Variants in SLC15A4 observed in about 807,000 individuals in gnomAD.
The protein encoded by SLC15A4 is solute carrier family 15 member 4, also known as hPHT1.
SLC15A4 carries 26 observed loss-of-function variants against 46.1 expected under a neutral mutation model. The ratio of observed to expected loss-of-function variants is 0.56; its 90% CI spans 0.41 to 0.78. The LOEUF (loss-of-function observed/expected upper bound fraction) is 0.78, where lower values mean the gene tolerates loss of function less well. SLC15A4 is among the 30% of genes least tolerant of loss of function. The probability of loss-of-function intolerance (pLI) is 0.00; values close to 1 mark genes in which losing one functional copy is unlikely to be tolerated. For missense variants in SLC15A4, 751 were observed against 755.7 expected (o/e 0.99, Z 0.07); for synonymous variants, 370 against 333.4 (o/e 1.11, Z -1.20).
At chr12:128,810,219 G>T in intron 2 of SLC15A4, 108 bp from the exon 3 acceptor site, 2 of 1,022,996 alleles carry the variant, frequency 2.0e-6, no homozygotes, top group Non-Finnish European at 2.9e-6. Context: ...TATTGAATCT[G>T]CTTCAACTCA....
At chr12:128,811,512 A>C (rs557855557) in intron 2 of SLC15A4, among the ~76,000 whole-genome samples, 2 of 152,336 alleles carry the variant, frequency 1.3e-5, no homozygotes, top group East Asian at 3.9e-4. Context: ...TGGGGGCTAA[A>C]GGGGAGGGCT....
In SLC15A4 at chr12:128,815,000, G is replaced by A. The variant is rs1955731180; in HGVS notation, c.617C>T (p.Ala206Val). The A allele has an allele frequency of 1.2e-6, 2 of 1,614,064 alleles. No individual in the cohort carries two copies. Among genetic ancestry groups the A allele is most frequent in the Non-Finnish European group, 1.7e-6 (2 of 1,179,990 alleles). The change falls in exon 2 of 8, where the codon GCG (alanine) becomes GTG (valine). Residue 206 changes from alanine (A) to valine (V), a missense_variant. Transcript: ENST00000266771. The part of the protein sequence containing the change: ...NWFYWSINLG[A>V]ILSLGGIAYI... ...GGCAATGCCACCTAACGACAGGATC[G>A]CTCCCAGGTTAATGCTCCAATAAAA...
chr12:128,815,394 A>T (rs1294984098), intron 1 of SLC15A4: 1 of 277,140 alleles, frequency 3.6e-6, no homozygotes, highest in Admixed American at 4.8e-5. Flanking sequence ...TGCTCTTTAA[A>T]AACAGAGTCC....
intron 5 of SLC15A4, among the ~76,000 whole-genome samples, chr12:128,807,814 T>C (rs542339832): frequency 5.1e-4 from 77 of 152,334 alleles, no homozygotes; most frequent in Middle Eastern, 3.4e-3. Context: ...CAAAAGAAAA[T>C]GCAATAGTCT....
At position 128,809,925 on chromosome 12, in the gene SLC15A4, CT is replaced by C. The variant is rs765826299; in HGVS notation, c.1011+17del. On this transcript the variant is annotated intron_variant, in intron 3 of 7. Coordinates refer to ENST00000266771, the MANE Select transcript of SLC15A4 (RefSeq NM_145648.4). The stretch of plus-strand genomic sequence containing the variant: ...CATAGGAAGATAAAGGAAATTAAAC[CT>C]GTTTGTCACCACTCACTTGGAAATA... 1.2e-5 allele frequency: 19 copies of C among 1,605,346 alleles called. No individual in the cohort carries two copies. The highest frequency in any genetic ancestry group is 1.6e-5 in the Non-Finnish European group (19 of 1,176,580).
Position 128,823,551 on chromosome 12 carries a change from C to G in SLC15A4, c.393G>C (p.Ala131=). The change falls in exon 1 of 8, where the codon GCG becomes GCC. Residue 131 remains alanine (A), a synonymous_variant. Transcript: ENST00000266771. ...PLLAAPATRA[A]LCGSARLLNC... is the part of the protein sequence containing the mutation. ...TGAGCAGGCGCGCGGAACCGCAGAG[C>G]GCGGCTCGCGTGGCGGGCGCGGCCA... is the stretch of plus-strand genomic sequence containing the variant. 1 of 1,446,860 alleles carries G rather than the reference C, an allele frequency of 6.9e-7. No homozygotes were observed. Among genetic ancestry groups the G allele is most frequent in the African/African-American group, 1.5e-5 (1 of 67,226 alleles). The allele number at this position is 1,446,860 out of a possible 1,614,324, so 89.6% of individuals were successfully genotyped here.
chr12:128,800,226 A>AAT (rs1955500512), intron 6 of SLC15A4, among the ~76,000 whole-genome samples: 2 of 152,194 alleles, frequency 1.3e-5, no homozygotes, highest in Non-Finnish European at 2.9e-5. Context: ...AGTGTATTCT[A>AAT]AATAGAAGTC....
intron 2 of SLC15A4, chr12:128,813,719 C>T (rs780908689): frequency 6.6e-6 from 1 of 152,196 alleles, no homozygotes; most frequent in Non-Finnish European, 1.5e-5. Context: ...CAGCCTCCCA[C>T]CCAGCAGCCT....
chr12:128,798,233 T>G (rs966780172), intron 7 of SLC15A4, among the ~76,000 whole-genome samples: 3 of 152,256 alleles, frequency 2.0e-5, no homozygotes, highest in Non-Finnish European at 4.4e-5. Flanking sequence ...CTGTCCCATG[T>G]ACCACAAGAG....
At chr12:128,814,192 G>GCCGTATGATGGAGCTGACCA (rs1955706787) in intron 2 of SLC15A4, 1 of 112,648 alleles carries the variant, frequency 8.9e-6, no homozygotes, top group Non-Finnish European at 2.0e-5. Flanking sequence ...AGACCTGACC[G>GCCGTATGATGGAGCTGACCA]CCGTATGATG....
intron 1 of SLC15A4, chr12:128,815,909 G>A (rs1338170338): frequency 6.6e-6 from 1 of 152,244 alleles, no homozygotes; most frequent in Admixed American, 6.5e-5. Context: ...CCCAAAGAGA[G>A]ACATTTGTTC....
chr12:128,797,295 A>G (rs946853991), intron 7 of SLC15A4, among the ~76,000 whole-genome samples: 46 of 152,124 alleles, frequency 3.0e-4, no homozygotes, highest in Admixed American at 3.0e-3. Flanking sequence ...GCTCACAGAC[A>G]GAAGTGCTAA....
chr12:128,794,655 A>G (rs756239509), intron 7 of SLC15A4, among the ~76,000 whole-genome samples: 1 of 152,158 alleles, frequency 6.6e-6, no homozygotes, highest in Non-Finnish European at 1.5e-5. Flanking sequence ...TTCCCTGAGG[A>G]AACTAGAAAA....
Position 128,794,191 on chromosome 12 carries a change from G to C in SLC15A4, c.*5C>G, listed in dbSNP as rs770209995. Reference sequence around the variant, plus strand: ...CCTCAGAAACCGCACATGGCCTCAGGAAGGTCAGGCCCTCCTGCTGGTGGG... The same window carrying C: ...CCTCAGAAACCGCACATGGCCTCAGCAAGGTCAGGCCCTCCTGCTGGTGGG... On this transcript the variant is annotated 3_prime_UTR_variant, in exon 8 of 8. Coordinates refer to ENST00000266771, the MANE Select transcript of SLC15A4 (RefSeq NM_145648.4). 16 of 1,606,204 alleles carry C rather than the reference G, an allele frequency of 1.0e-5. No homozygotes were observed. Among genetic ancestry groups the C allele is most frequent in the Non-Finnish European group, 1.4e-5 (16 of 1,175,556 alleles).
chr12:128,796,472 A>T, intron 7 of SLC15A4, among the ~76,000 whole-genome samples: 1 of 146,334 alleles, frequency 6.8e-6, no homozygotes, highest in East Asian at 2.0e-4. Context: ...ACACATCTGT[A>T]TGGTGAGATC....
chr12:128,802,789 G>A (rs1255846867), intron 5 of SLC15A4, among the ~76,000 whole-genome samples: 1 of 152,192 alleles, frequency 6.6e-6, no homozygotes, highest in African/African-American at 2.4e-5. Context: ...AGACACAAAT[G>A]ATGAGATCAA....
intron 2 of SLC15A4, chr12:128,813,697 T>C (rs115581822): frequency 0.014 from 2,157 of 152,324 alleles, 53 homozygotes; most frequent in African/African-American, 0.049. Flanking sequence ...GACGCTCTGA[T>C]GGCTGAGTGA....
At chr12:128,821,643 T>C (rs1355831151) in intron 1 of SLC15A4, among the ~76,000 whole-genome samples, 2 of 152,110 alleles carry the variant, frequency 1.3e-5, no homozygotes, top group East Asian at 1.9e-4. Context: ...ACCCCAGCAC[T>C]TTGGGAGGCC....
chr12:128,796,483 TCA>T (rs1955446079), intron 7 of SLC15A4, among the ~76,000 whole-genome samples: 1 of 145,974 alleles, frequency 6.9e-6, no homozygotes, highest in Non-Finnish European at 1.5e-5. Context: ...TGGTGAGATC[TCA>T]CACATTTTTA....
Sources: allele counts gnomAD v4.1 joint callset (sites outside exome capture counted in the v4.1 genomes callset), GRCh38; gene constraint gnomAD v4.1.1; transcripts MANE v1.5; gene names NCBI Gene and HGNC (gene_info 2026-07-23, HGNC 2026-07-21).